UBE2H: variants seen among roughly 807,000 people sequenced by gnomAD.
UBE2H encodes ubiquitin-conjugating enzyme E2 H.
In UBE2H, 3 loss-of-function variants were observed where a neutral mutation model predicts 29.0. The ratio of observed to expected loss-of-function variants is 0.10; its 90% CI spans 0.05 to 0.27. The LOEUF (loss-of-function observed/expected upper bound fraction) is 0.27. Among genes scored for constraint, UBE2H ranks in the 10% least tolerant of loss-of-function variants. The probability of loss-of-function intolerance (pLI) is 1.00; values close to 1 mark genes in which losing one functional copy is unlikely to be tolerated. For synonymous variants in UBE2H, 69 were observed against 82.9 expected (o/e 0.83, Z 0.91); for missense variants, 68 against 228.2 (o/e 0.30, Z 4.52).
At chr7:129,936,254 A>G (rs1807524765) in intron 1 of UBE2H, among the ~76,000 whole-genome samples, 1 of 152,222 alleles carries the variant, frequency 6.6e-6, no homozygotes, top group Admixed American at 6.5e-5. Context: ...TAATATGCCC[A>G]ATTTAAAAGC....
intron 5 of UBE2H, among the ~76,000 whole-genome samples, chr7:129,842,951 T>C (rs1805452354): frequency 6.6e-6 from 1 of 151,248 alleles, no homozygotes; most frequent in African/African-American, 2.4e-5. Context: ...CAATTGAATG[T>C]GATCCCATAG....
chr7:129,931,229 A>G (rs1383174807), intron 1 of UBE2H, among the ~76,000 whole-genome samples: 1 of 145,674 alleles, frequency 6.9e-6, no homozygotes, highest in African/African-American at 2.7e-5. Context: ...CTCAAAAAGA[A>G]AAAAAAAAAA....
chr7:129,921,523 C>T (rs931701244), intron 1 of UBE2H, among the ~76,000 whole-genome samples: 27 of 151,908 alleles, frequency 1.8e-4, no homozygotes, highest in Admixed American at 1.4e-3. Context: ...CACAGTGAAA[C>T]CCTGTCTCTA....
intron 1 of UBE2H, among the ~76,000 whole-genome samples, chr7:129,892,238 C>T (rs548430378): frequency 2.0e-5 from 3 of 149,776 alleles, no homozygotes; most frequent in East Asian, 1.9e-4. Context: ...CATGAGCCAC[C>T]GCACCCGGCC....
At chr7:129,915,762 T>A (rs928855240) in intron 1 of UBE2H, among the ~76,000 whole-genome samples, 3 of 152,098 alleles carry the variant, frequency 2.0e-5, no homozygotes, top group African/African-American at 4.8e-5. Flanking sequence ...GCCCAGACCC[T>A]CCTAACTCTG....
chr7:129,884,063 T>C (rs949711211), intron 1 of UBE2H, among the ~76,000 whole-genome samples: 5 of 151,968 alleles, frequency 3.3e-5, no homozygotes, highest in African/African-American at 1.2e-4. Context: ...ACCACTGCAG[T>C]CCAGCCTGGG....
chr7:129,839,749 T>C (rs1271601440), intron 5 of UBE2H: 2 of 230,028 alleles, frequency 8.7e-6, no homozygotes, highest in Non-Finnish European at 1.7e-5. Flanking sequence ...CTTGCTCTAT[T>C]GCCCAGGCTG....
At chr7:129,912,767 G>C (rs1039606007) in intron 1 of UBE2H, among the ~76,000 whole-genome samples, 3 of 152,244 alleles carry the variant, frequency 2.0e-5, no homozygotes, top group African/African-American at 7.2e-5. Context: ...ACGGCCTTTA[G>C]GCAAAGCCTA....
At chr7:129,886,779 A>ATTTTTTTGGT (rs1806371593) in intron 1 of UBE2H, among the ~76,000 whole-genome samples, 1 of 150,306 alleles carries the variant, frequency 6.7e-6, no homozygotes, top group African/African-American at 2.5e-5. Flanking sequence ...AAAAAAAAAA[A>ATTTTTTTGGT]AAAAAAAAAA....
chr7:129,898,812 C>T (rs1022391592), intron 1 of UBE2H, among the ~76,000 whole-genome samples: 1 of 68,544 alleles, frequency 1.5e-5, no homozygotes. Context: ...GAGTTGCAGG[C>T]CTTTTTTTTT....
In UBE2H at chr7:129,952,600, G is replaced by A. The variant is rs1807903343; in HGVS notation, c.-45C>T. The stretch of plus-strand genomic sequence containing the variant: ...TCCCTTCCTCGGCCCGTCTGTCACG[G>A]GCCCGGGGCCCCGGCTCTGAGGAGC... On this transcript the variant is annotated 5_prime_UTR_variant, in exon 1 of 7. Coordinates refer to ENST00000355621, the MANE Select transcript of UBE2H (RefSeq NM_003344.4). 1 of 1,603,040 alleles carries A rather than the reference G, an allele frequency of 6.2e-7. No homozygotes were observed. Among genetic ancestry groups the A allele is most frequent in the African/African-American group, 1.3e-5 (1 of 74,602 alleles).
intron 6 of UBE2H, among the ~76,000 whole-genome samples, chr7:129,838,575 T>G (rs1169411493): frequency 6.6e-6 from 1 of 152,214 alleles, no homozygotes; most frequent in Non-Finnish European, 1.5e-5. Flanking sequence ...GACTTTTCAC[T>G]ATGAAAGTTC....
At chr7:129,841,335 A>G (rs547654351) in intron 5 of UBE2H, among the ~76,000 whole-genome samples, 3 of 152,320 alleles carry the variant, frequency 2.0e-5, no homozygotes, top group East Asian at 3.9e-4. Context: ...AATCTTACCT[A>G]TAAGAGGTGG....
intron 1 of UBE2H, among the ~76,000 whole-genome samples, chr7:129,886,768 A>AT (rs1806370870): frequency 2.2e-5 from 1 of 45,864 alleles, no homozygotes; most frequent in African/African-American, 6.2e-5. Context: ...GTTTTTTGGT[A>AT]AAAAAAAAAA....
chr7:129,945,116 G>A (rs1292892730), intron 1 of UBE2H, among the ~76,000 whole-genome samples: 4 of 152,248 alleles, frequency 2.6e-5, no homozygotes, highest in Middle Eastern at 3.4e-3. Flanking sequence ...TGGAAGGGAG[G>A]GAGGGAAAGA....
At chr7:129,935,804 T>C (rs1242557725) in intron 1 of UBE2H, among the ~76,000 whole-genome samples, 2 of 152,196 alleles carry the variant, frequency 1.3e-5, no homozygotes, top group Non-Finnish European at 2.9e-5. Context: ...AAAAGTAGTA[T>C]CCTCTCAACT....
intron 1 of UBE2H, among the ~76,000 whole-genome samples, chr7:129,915,990 A>G (rs965464338): frequency 3.3e-5 from 5 of 152,220 alleles, no homozygotes; most frequent in African/African-American, 9.6e-5. Flanking sequence ...TAAAATGTAC[A>G]TTTCATATAA....
At chr7:129,916,345 T>C (rs1807043280) in intron 1 of UBE2H, among the ~76,000 whole-genome samples, 2 of 151,974 alleles carry the variant, frequency 1.3e-5, no homozygotes, top group Non-Finnish European at 2.9e-5. Flanking sequence ...TTCTACAAAC[T>C]TTAACAAGTT....
chr7:129,898,293 GACCAACAGAAATGATT>G (rs1806639957), intron 1 of UBE2H, among the ~76,000 whole-genome samples: 1 of 152,126 alleles, frequency 6.6e-6, no homozygotes, highest in South Asian at 2.1e-4. Context: ...GCTAGCTCAA[GACCAACAGAAATGATT>G]AACATACAGT....
Sources: gnomAD v4.1 joint callset for allele counts (sites outside exome capture counted in the v4.1 genomes callset) on GRCh38, gnomAD v4.1.1 for gene constraint, MANE v1.5 for transcripts, NCBI Gene and HGNC (gene_info 2026-07-23, HGNC 2026-07-21) for gene names.